The following SHISAL2B variants were observed in gnomAD, a reference collection of about 807,000 sequenced individuals.
SHISAL2B encodes protein shisa-like-2B.
Under a neutral mutation model 16.5 loss-of-function variants are expected in SHISAL2B, and 12 were observed. The observed-to-expected ratio is 0.73, with a 90% CI of 0.47 to 1.18. The LOEUF (loss-of-function observed/expected upper bound fraction) is 1.18. Ranked by LOEUF, SHISAL2B falls within the 50% of genes most tolerant of loss-of-function variation. The probability of loss-of-function intolerance (pLI) is 0.00; values close to 1 mark genes in which losing one functional copy is unlikely to be tolerated. For synonymous variants in SHISAL2B, 72 were observed against 75.0 expected (o/e 0.96, Z 0.21); for missense variants, 183 against 193.6 (o/e 0.95, Z 0.33).
rs1353759888 is a variant in SHISAL2B, at chr5:64,690,544, G to C, written c.-80G>C. On this transcript the variant is annotated 5_prime_UTR_variant, in exon 1 of 3. Transcript: ENST00000389074. ...GAGCCGAGTCCGGGCAGAGGGGTCC[G>C]CGGGCTCTGGAGGTGCTGGACGGGT... 1.5e-5 allele frequency: 18 copies of C among 1,224,848 alleles called. No homozygotes were observed. The highest frequency in any genetic ancestry group is 4.7e-5 in the African/African-American group (3 of 63,478). The allele number at this position is 1,224,848 out of a possible 1,614,324, so 75.9% of individuals were successfully genotyped here. A position where few individuals can be genotyped will look rare whatever the true frequency, so the allele number is the denominator to read the frequency against.
At chr5:64,701,910 A>T (rs1024808726) in intron 2 of SHISAL2B, among the ~76,000 whole-genome samples, 1 of 152,182 alleles carries the variant, frequency 6.6e-6, no homozygotes, top group Non-Finnish European at 1.5e-5. Context: ...CCCAAAAGAA[A>T]ATCTTCCTTT....
At chr5:64,694,018 C>T in intron 1 of SHISAL2B, 4 of 449,688 alleles carry the variant, frequency 8.9e-6, no homozygotes, top group Non-Finnish European at 1.8e-5. Flanking sequence ...TTCTGTTCTC[C>T]TTCCTCCCAA....
Position 64,690,619 on chromosome 5 carries a change from C to T in SHISAL2B, c.-5C>T. On this transcript the variant is annotated 5_prime_UTR_variant, in exon 1 of 3. Coordinates refer to ENST00000389074, the MANE Select transcript of SHISAL2B (RefSeq NM_001164442.2). ...CTCGCGAGCCTCTCCCGGCCCCTGC[C>T]CGCGATGAGCGAGGCCAGCCGACTG... 3 of 1,483,892 alleles carry T rather than the reference C, an allele frequency of 2.0e-6. No homozygotes were observed. The highest frequency in any genetic ancestry group is 2.7e-6 in the Non-Finnish European group (3 of 1,115,784). 91.9% of individuals were successfully genotyped at this position (1,483,892 alleles called of 1,614,324 possible). A position where few individuals can be genotyped will look rare whatever the true frequency, so the allele number is the denominator to read the frequency against.
chr5:64,713,578 C>T (rs1331537641), intron 2 of SHISAL2B, among the ~76,000 whole-genome samples: 6 of 94,888 alleles, frequency 6.3e-5, no homozygotes, highest in African/African-American at 2.3e-4. Context: ...TGAATCTGAA[C>T]GTTGGCCTGC....
At chr5:64,695,819 G>T (rs1741724512) in intron 2 of SHISAL2B, among the ~76,000 whole-genome samples, 155 bp downstream of exon 2, 1 of 152,234 alleles carries the variant, frequency 6.6e-6, no homozygotes, top group Non-Finnish European at 1.5e-5. Flanking sequence ...GGCCGTTAAT[G>T]ATGAAATACC....
intron 2 of SHISAL2B, among the ~76,000 whole-genome samples, chr5:64,705,410 G>A (rs1449389948): frequency 6.6e-6 from 1 of 152,084 alleles, no homozygotes; most frequent in Non-Finnish European, 1.5e-5. Context: ...TTGAACGTCT[G>A]ATTAAACTAC....
Position 64,703,886 on chromosome 5 carries a change from G to A in SHISAL2B, c.349+8222G>A, listed in dbSNP as rs1436638036. ...TGAGGGGAAGGCAGGGCATTGAAAA[G>A]GGAGAGGTCAATAAGTTTTGCTCAC... On this transcript the variant is annotated intron_variant, in intron 2 of 2. Coordinates refer to ENST00000389074, the MANE Select transcript of SHISAL2B (RefSeq NM_001164442.2). Among the ~76,000 whole-genome samples the A allele has an allele frequency of 5.3e-5, 8 of 152,144 alleles. No homozygotes were observed. The East Asian group carries it at 1.5e-3, about 29-fold the overall frequency.
chr5:64,698,385 G>C (rs1035526493), intron 2 of SHISAL2B, among the ~76,000 whole-genome samples: 7 of 152,176 alleles, frequency 4.6e-5, no homozygotes, highest in African/African-American at 1.7e-4. Flanking sequence ...ATCATGACCT[G>C]TGGGGACTTT....
intron 2 of SHISAL2B, among the ~76,000 whole-genome samples, chr5:64,696,353 A>T (rs1440966965): frequency 6.6e-6 from 1 of 152,228 alleles, no homozygotes; most frequent in Non-Finnish European, 1.5e-5. Context: ...GTGTGTTTGA[A>T]CAATATGAAA....
At chr5:64,693,968 A>G (rs2112055173) in intron 1 of SHISAL2B, 2 of 380,082 alleles carry the variant, frequency 5.3e-6, no homozygotes, top group South Asian at 3.9e-5. Context: ...ACCTCCTGAA[A>G]TCAAGGACAA....
intron 2 of SHISAL2B, among the ~76,000 whole-genome samples, chr5:64,709,758 T>C (rs1234562553): frequency 2.0e-5 from 3 of 151,852 alleles, no homozygotes; most frequent in African/African-American, 7.3e-5. Context: ...TATCTCATAG[T>C]GGTTTTGATT....
chr5:64,714,760 C>G (rs1742018092), intron 2 of SHISAL2B, among the ~76,000 whole-genome samples: 2 of 152,112 alleles, frequency 1.3e-5, no homozygotes, highest in East Asian at 1.9e-4. Flanking sequence ...TTTTTTTAAG[C>G]CGGTCTGAAA....
intron 2 of SHISAL2B, among the ~76,000 whole-genome samples, chr5:64,700,135 G>A (rs1741787716): frequency 6.6e-6 from 1 of 152,148 alleles, no homozygotes; most frequent in Non-Finnish European, 1.5e-5. Flanking sequence ...CTGTGTGAAA[G>A]GCACCCTTCT....
chr5:64,712,717 G>A (rs1405856013), intron 2 of SHISAL2B, among the ~76,000 whole-genome samples: 1 of 152,046 alleles, frequency 6.6e-6, no homozygotes, highest in Admixed American at 6.5e-5. Flanking sequence ...ATGAATCTGG[G>A]TGCTCCTGTA....
intron 2 of SHISAL2B, among the ~76,000 whole-genome samples, chr5:64,696,475 TTCTTGCAGAGAGCC>T (rs1741737395): frequency 3.3e-5 from 5 of 152,348 alleles, no homozygotes; most frequent in Non-Finnish European, 5.9e-5. Context: ...CATATTTTTC[TTCTTGCAGAGAGCC>T]TATAAATGGA....
intron 1 of SHISAL2B, 101 bp downstream of exon 1, chr5:64,690,915 G>T: frequency 1.9e-6 from 2 of 1,062,290 alleles, no homozygotes; most frequent in Non-Finnish European, 2.6e-6. Context: ...CCGCGTCCCC[G>T]CTATCCGCCC....
At position 64,695,561 on chromosome 5, in the gene SHISAL2B, C is replaced by T; in HGVS notation, c.246C>T (p.Val82=). 1 of 1,536,708 alleles carries T rather than the reference C, an allele frequency of 6.5e-7. No individual in the cohort carries two copies. Among genetic ancestry groups the T allele is most frequent in the Admixed American group, 2.0e-5 (1 of 50,924 alleles). The change falls in exon 2 of 3, where the codon GTC becomes GTT. Residue 82 remains valine (V), a synonymous_variant. Coordinates refer to ENST00000389074, the MANE Select transcript of SHISAL2B (RefSeq NM_001164442.2). Reference sequence around the variant, plus strand: ...CTGCCCTTGTTTTACTCGCCTTTGTCATCAGTGTCTGTGTCCTTTGCTATT... The same window carrying T: ...CTGCCCTTGTTTTACTCGCCTTTGTTATCAGTGTCTGTGTCCTTTGCTATT... The part of the protein sequence containing the change: ...GIAALVLLAF[V]ISVCVLCYLF...
intron 2 of SHISAL2B, among the ~76,000 whole-genome samples, chr5:64,698,098 C>A (rs1238373363): frequency 6.6e-6 from 1 of 152,228 alleles, no homozygotes; most frequent in South Asian, 2.1e-4. Flanking sequence ...ATCAAATAAT[C>A]AGATTGTAAA....
intron 2 of SHISAL2B, among the ~76,000 whole-genome samples, chr5:64,708,174 C>A (rs1593048): frequency 1 from 151,987 of 152,248 alleles, 75,869 homozygotes; most frequent in Middle Eastern, 1. Context: ...TACCAATAAC[C>A]TTTATACAGA....
Sources: allele counts gnomAD v4.1 joint callset (sites outside exome capture counted in the v4.1 genomes callset), GRCh38; gene constraint gnomAD v4.1.1; transcripts MANE v1.5; gene names NCBI Gene and HGNC (gene_info 2026-07-23, HGNC 2026-07-21).